Variants in TRHR observed in about 807,000 individuals in gnomAD.
TRHR encodes the protein thyrotropin-releasing hormone receptor.
TRHR carries 14 observed loss-of-function variants against 28.0 expected under a neutral mutation model. The observed-to-expected ratio is 0.50, with a 90% CI of 0.33 to 0.78. The LOEUF (loss-of-function observed/expected upper bound fraction) is 0.78. Ranked by LOEUF, TRHR falls within the 30% of genes least tolerant of loss-of-function variation. The pLI is 0.02. For synonymous variants in TRHR, 176 were observed against 171.9 expected, an observed-to-expected ratio of 1.02 and a Z score of -0.18; for missense variants, 438 against 469.5, an observed-to-expected ratio of 0.93 and a Z score of 0.62.
intron 2 of TRHR, among the ~76,000 whole-genome samples, chr8:109,104,904 G>C (rs1811726560): frequency 6.6e-6 from 1 of 152,114 alleles, no homozygotes; most frequent in Non-Finnish European, 1.5e-5. Flanking sequence ...AGGATCGCTT[G>C]AGCCCAGGAG....
intron 2 of TRHR, among the ~76,000 whole-genome samples, chr8:109,110,091 T>C (rs1321856117): frequency 6.6e-6 from 1 of 152,178 alleles, no homozygotes; most frequent in Admixed American, 6.6e-5. Flanking sequence ...CCCCCTGAGA[T>C]ATATAGTTTC....
chr8:109,095,836 C>T (rs1326590156), intron 2 of TRHR, among the ~76,000 whole-genome samples: 2 of 151,672 alleles, frequency 1.3e-5, no homozygotes, highest in African/African-American at 4.8e-5. Context: ...TATCCCCCCG[C>T]CCCCCATAGC....
At position 109,121,525 on chromosome 8, in the gene TRHR, T is replaced by C. The variant is rs1373404719; in HGVS notation, c.*2070T>C. 6.6e-6 allele frequency among the ~76,000 whole-genome samples: 1 copy of C among 151,726 alleles called. No individual in the cohort carries two copies. The highest frequency in any genetic ancestry group is 1.5e-5 in the Non-Finnish European group (1 of 67,798). ...TTAGACCAGTATTCCTGTGACCTAA[T>C]TCCTAATTAATAAAAAGTTATGGAT... On this transcript the variant is annotated 3_prime_UTR_variant, in exon 3 of 3. Transcript: ENST00000518632.
At chr8:109,113,163 A>T (rs1427549447) in intron 2 of TRHR, among the ~76,000 whole-genome samples, 1 of 152,264 alleles carries the variant, frequency 6.6e-6, no homozygotes, top group East Asian at 1.9e-4. Flanking sequence ...TGGACTATTC[A>T]TTATTCTAGA....
At position 109,088,005 on chromosome 8, in the gene TRHR, G is replaced by A. The variant is rs779945451; in HGVS notation, c.493G>A (p.Asp165Asn). ...CTGTATGCTCTGGTTCTTCTTGCTG[G>A]ATCTCAATATTAGCACCTACAAAGA... is the stretch of plus-strand genomic sequence containing the variant. ...LYCMLWFFLL[D>N]LNISTYKDAI... The change falls in exon 2 of 3, where the codon GAT becomes AAT. Residue 165 changes from aspartate to asparagine, a missense_variant. Transcript: ENST00000518632. The A allele has an allele frequency of 3.7e-6, 6 of 1,613,874 alleles. No homozygotes were observed. The highest frequency in any genetic ancestry group is 4.5e-5 in the East Asian group (2 of 44,898).
At chr8:109,118,070 T>G (rs1287160250) in intron 2 of TRHR, among the ~76,000 whole-genome samples, 3 of 151,924 alleles carry the variant, frequency 2.0e-5, no homozygotes, top group South Asian at 2.1e-4. Flanking sequence ...ATTCCAGCAT[T>G]TGCTTTCTCT....
rs980968273 is a variant in TRHR, at chr8:109,100,687, G to A, written c.789+12386G>A. On this transcript the variant is annotated intron_variant, in intron 2 of 2. Transcript: ENST00000518632. ...ACAATCTAATACAGAAGACAGAATA[G>A]TAAGCTGATAAAGTCATAAAGAAAC... Among the ~76,000 whole-genome samples the A allele has an allele frequency of 2.0e-5, 3 of 152,100 alleles. No individual in the cohort carries two copies. The South Asian group carries it at 6.2e-4, about 32-fold the overall frequency.
intron 2 of TRHR, among the ~76,000 whole-genome samples, chr8:109,105,183 T>A (rs1054330808): frequency 2.0e-5 from 3 of 152,142 alleles, no homozygotes; most frequent in Non-Finnish European, 4.4e-5. Context: ...TTTTTAAAGA[T>A]GAGTGCTATA....
At chr8:109,103,097 G>A (rs143999475) in intron 2 of TRHR, among the ~76,000 whole-genome samples, 10 of 152,182 alleles carry the variant, frequency 6.6e-5, no homozygotes, top group East Asian at 1.9e-4. Context: ...AAAAAATTCC[G>A]TCTGAAGCCC....
intron 2 of TRHR, among the ~76,000 whole-genome samples, chr8:109,091,991 T>A (rs1357372179): frequency 1.3e-5 from 2 of 152,342 alleles, no homozygotes; most frequent in South Asian, 4.1e-4. Flanking sequence ...AATATCTCTA[T>A]CATTGACTGT....
chr8:109,107,755 C>T (rs959618067), intron 2 of TRHR, among the ~76,000 whole-genome samples: 3 of 151,942 alleles, frequency 2.0e-5, no homozygotes, highest in African/African-American at 7.2e-5. Flanking sequence ...AATATAACAG[C>T]CCCTTATATT....
chr8:109,107,571 A>G (rs934368955), intron 2 of TRHR, among the ~76,000 whole-genome samples: 10 of 152,182 alleles, frequency 6.6e-5, no homozygotes, highest in African/African-American at 1.7e-4. Context: ...ATCTGTGTTG[A>G]ATGTTGGAAC....
At chr8:109,114,370 G>T (rs1485478726) in intron 2 of TRHR, among the ~76,000 whole-genome samples, 2 of 152,022 alleles carry the variant, frequency 1.3e-5, no homozygotes, top group Non-Finnish European at 2.9e-5. Flanking sequence ...ATGGCTGCCT[G>T]CTTCTGTGTT....
chr8:109,110,511 C>G (rs1324424827), intron 2 of TRHR, among the ~76,000 whole-genome samples: 1 of 151,988 alleles, frequency 6.6e-6, no homozygotes, highest in Non-Finnish European at 1.5e-5. Flanking sequence ...TTTTCTTGAG[C>G]ATTTTTAATC....
chr8:109,106,113 C>A (rs1415333543), intron 2 of TRHR, among the ~76,000 whole-genome samples: 1 of 151,820 alleles, frequency 6.6e-6, no homozygotes, highest in African/African-American at 2.4e-5. Context: ...CTAGTGCATC[C>A]CCTGCCTTCA....
intron 2 of TRHR, among the ~76,000 whole-genome samples, chr8:109,098,622 T>C (rs73311322): frequency 0.085 from 12,945 of 152,196 alleles, 864 homozygotes; most frequent in African/African-American, 0.19. Context: ...TGCTCCCTGC[T>C]TACTTTCCCA....
At chr8:109,111,156 A>T (rs1811826283) in intron 2 of TRHR, among the ~76,000 whole-genome samples, 1 of 151,888 alleles carries the variant, frequency 6.6e-6, no homozygotes, top group African/African-American at 2.4e-5. Flanking sequence ...CATCTCAAAA[A>T]AACAAAACAA....
At chr8:109,108,739 T>C (rs1811787091) in intron 2 of TRHR, among the ~76,000 whole-genome samples, 1 of 152,196 alleles carries the variant, frequency 6.6e-6, no homozygotes, top group South Asian at 2.1e-4. Context: ...ATAAAATAAT[T>C]CAAAATGACA....
chr8:109,093,604 C>A (rs1586185660), intron 2 of TRHR, among the ~76,000 whole-genome samples: 1 of 151,616 alleles, frequency 6.6e-6, no homozygotes, highest in African/African-American at 2.4e-5. Flanking sequence ...CGGGGTTTCA[C>A]CACGTTGGCC....
Sources: gnomAD v4.1 joint callset for allele counts (sites outside exome capture counted in the v4.1 genomes callset) on GRCh38, gnomAD v4.1.1 for gene constraint, MANE v1.5 for transcripts, NCBI Gene and HGNC (gene_info 2026-07-23, HGNC 2026-07-21) for gene names.